Variants in CCND3 observed in about 807,000 individuals in gnomAD.
The protein encoded by CCND3 is cyclin D3.
A neutral mutation model predicts 28.7 loss-of-function variants in CCND3; 9 were observed. That is an observed-to-expected ratio of 0.31 (90% CI 0.19 to 0.55). The LOEUF is 0.55. Ranked by LOEUF, CCND3 falls within the 20% of genes least tolerant of loss-of-function variation. The pLI is 0.93. For synonymous variants in CCND3, 164 were observed against 163.9 expected (o/e 1.00, Z 0.00); for missense variants, 315 against 385.8 (o/e 0.82, Z 1.54).
chr6:41,975,343 G>A (rs945485572), intron 1 of CCND3, among the ~76,000 whole-genome samples: 1 of 152,100 alleles, frequency 6.6e-6, no homozygotes, highest in Non-Finnish European at 1.5e-5. Flanking sequence ...CTCTGTGGCT[G>A]CATGGGTGGT....
At chr6:42,032,470 T>G (rs1262012440) in intron 1 of CCND3, among the ~76,000 whole-genome samples, 1 of 152,228 alleles carries the variant, frequency 6.6e-6, no homozygotes, top group South Asian at 2.1e-4. Context: ...GCCTGGGATC[T>G]TTTGCAGGCA....
chr6:42,022,209 C>T (rs1763732794), intron 1 of CCND3, among the ~76,000 whole-genome samples: 1 of 152,154 alleles, frequency 6.6e-6, no homozygotes, highest in Non-Finnish European at 1.5e-5. Context: ...TCCAAGGATC[C>T]GAATCCAAGT....
At chr6:41,987,421 C>A (rs572018943) in intron 1 of CCND3, among the ~76,000 whole-genome samples, 1 of 151,516 alleles carries the variant, frequency 6.6e-6, no homozygotes, top group Admixed American at 6.6e-5. Context: ...AACTTTAGAT[C>A]TTTGGTATAT....
At chr6:41,958,092 G>C (rs1328486611) in intron 1 of CCND3, among the ~76,000 whole-genome samples, 1 of 147,018 alleles carries the variant, frequency 6.8e-6, no homozygotes, top group Non-Finnish European at 1.5e-5. Context: ...CCACCTCCTG[G>C]GTTCAAGTGA....
intron 1 of CCND3, among the ~76,000 whole-genome samples, chr6:41,957,996 T>G (rs1776481239): frequency 1.8e-5 from 1 of 55,324 alleles, no homozygotes; most frequent in Non-Finnish European, 4.1e-5. Flanking sequence ...TACTTTATCT[T>G]TATCTTTTTT....
intron 1 of CCND3, among the ~76,000 whole-genome samples, chr6:42,027,747 T>C (rs1036735887): frequency 6.6e-6 from 1 of 151,540 alleles, no homozygotes; most frequent in Non-Finnish European, 1.5e-5. Context: ...TTTTTGTTTG[T>C]TTGTTTGTTT....
At position 41,939,974 on chromosome 6, in the gene CCND3, C is replaced by T. The variant is rs528847906; in HGVS notation, c.414+396G>A. Among the ~76,000 whole-genome samples, 1 of 152,280 alleles carries T rather than the reference C, an allele frequency of 6.6e-6. No individual in the cohort carries two copies. The highest frequency in any genetic ancestry group is 6.5e-5 in the Admixed American group (1 of 15,288). ...CCCCTCCCCCACATGAAGCACATTC[C>T]ACTCCCCTACTCCAGTGGGGGTGTG... On this transcript the variant is annotated intron_variant, in intron 2 of 4. Transcript: ENST00000372991. This position sits in a 1 kb window ranked among gnomAD's most constrained non-coding sequence, Gnocchi z 4.2.
At position 41,936,286 on chromosome 6, in the gene CCND3, G is replaced by A; in HGVS notation, c.712-179C>T. On this transcript the variant is annotated intron_variant, in intron 4 of 4. Coordinates refer to ENST00000372991, the MANE Select transcript of CCND3 (RefSeq NM_001760.5). This position sits in a 1 kb window ranked among gnomAD's most constrained non-coding sequence, Gnocchi z 4.4. ...GCAAGAGGATGTGGCAAGGGAGTGT[G>A]AGAGCAGCCCTGCATCTGACACCAA... The A allele has an allele frequency of 1.4e-6, 1 of 718,132 alleles. No homozygotes were observed. The highest frequency in any genetic ancestry group is 2.2e-6 in the Non-Finnish European group (1 of 447,450). The allele number at this position is 718,132 out of a possible 1,614,324, so 44.5% of individuals were successfully genotyped here. A position where few individuals can be genotyped will look rare whatever the true frequency, so the allele number is the denominator to read the frequency against.
rs114539724 is a variant in CCND3 at position 41,969,166 on chromosome 6, C to A, written c.-45-28581G>T. Among the ~76,000 whole-genome samples the A allele has an allele frequency of 3.2e-3, 490 of 152,190 alleles. 2 individuals are homozygous for A. Among genetic ancestry groups the A allele is most frequent in the Middle Eastern group, 6.8e-3 (2 of 294 alleles). ...AGACCCCATAAAACTAGAATCTTCA[C>A]GCCTGTAATCCCAGCACTTTGGGAG... On this transcript the variant is annotated intron_variant, in intron 1 of 4. Coordinates refer to the CCND3 transcript ENST00000372988.
intron 1 of CCND3, among the ~76,000 whole-genome samples, chr6:42,028,126 T>C (rs1441621421): frequency 6.6e-6 from 1 of 152,220 alleles, no homozygotes; most frequent in Non-Finnish European, 1.5e-5. Flanking sequence ...CCTAGCACTG[T>C]GCCTAGCATG....
chr6:41,941,826 C>G (rs1776042669), upstream of CCND3: 1 of 293,240 alleles, frequency 3.4e-6, no homozygotes, highest in Non-Finnish European at 6.2e-6. This position sits in a 1 kb window ranked among gnomAD's most constrained non-coding sequence, Gnocchi z 6.1. Context: ...CCGCCCCTCG[C>G]GACGATGTAG....
chr6:42,020,633 C>T (rs937089438), intron 1 of CCND3, among the ~76,000 whole-genome samples: 3 of 152,214 alleles, frequency 2.0e-5, no homozygotes, highest in African/African-American at 7.2e-5. Flanking sequence ...CTCGGCTCTC[C>T]GGGAAGCCTT....
At chr6:41,948,343 G>GTT (rs60929545) in intron 1 of CCND3, among the ~76,000 whole-genome samples, 1 of 144,298 alleles carries the variant, frequency 6.9e-6, no homozygotes, top group Non-Finnish European at 1.5e-5. Flanking sequence ...GTTTTTTTTT[G>GTT]TTTTTTTTTT....
intron 1 of CCND3, among the ~76,000 whole-genome samples, chr6:42,026,675 T>C (rs1401319613): frequency 6.6e-6 from 1 of 152,012 alleles, no homozygotes; most frequent in East Asian, 1.9e-4. Context: ...AGCTCCACTA[T>C]GTATGTTCCC....
Position 41,974,732 on chromosome 6 carries a change from G to A in CCND3, c.-45-34147C>T, listed in dbSNP as rs1473552771. On this transcript the variant is annotated intron_variant, in intron 1 of 4. Coordinates refer to the CCND3 transcript ENST00000372988. ...ATTATCAATTTAACCCCAAAAGGGG[G>A]ATGGGGCGGGTGGCCAATCTGGTAT... Among the ~76,000 whole-genome samples, 4 of 151,526 alleles carry A rather than the reference G, an allele frequency of 2.6e-5. No individual in the cohort carries two copies. The South Asian group carries it at 8.3e-4, about 32-fold the overall frequency.
At chr6:41,940,290 C>T in intron 2 of CCND3, 80 bp downstream of exon 2, 2 of 1,292,668 alleles carry the variant, frequency 1.5e-6, no homozygotes, top group Non-Finnish European at 2.2e-6. Flanking sequence ...GGGCAGAAAG[C>T]CTCTGATATC....
chr6:42,040,104 G>A (rs1451379684), intron 1 of CCND3, among the ~76,000 whole-genome samples: 3 of 152,206 alleles, frequency 2.0e-5, no homozygotes, highest in Non-Finnish European at 4.4e-5. Context: ...ACACACACGT[G>A]TGTGGTGCAC....
chr6:42,009,377 C>T (rs576721849), intron 1 of CCND3, among the ~76,000 whole-genome samples: 176 of 152,238 alleles, frequency 1.2e-3, no homozygotes, highest in African/African-American at 4.0e-3. Context: ...TTTGGGAGGC[C>T]GAGGCTGGTG....
At chr6:42,042,029 G>C (rs1302176924) in intron 1 of CCND3, among the ~76,000 whole-genome samples, 1 of 152,218 alleles carries the variant, frequency 6.6e-6, no homozygotes, top group East Asian at 1.9e-4. Context: ...GCAAAAGCTG[G>C]GGCCAGAACT....
Sources: gnomAD v4.1 joint callset for allele counts (sites outside exome capture counted in the v4.1 genomes callset) on GRCh38, gnomAD v4.1.1 for gene constraint, Gnocchi (gnomAD v3.1) non-coding constraint, MANE v1.5 for transcripts, NCBI Gene and HGNC (gene_info 2026-07-23, HGNC 2026-07-21) for gene names.